AFF3: variants seen among roughly 807,000 people sequenced by gnomAD.
AFF3 encodes AF4/FMR2 family member 3.
A neutral mutation model predicts 129.7 loss-of-function variants in AFF3; 32 were observed. The ratio of observed to expected loss-of-function variants is 0.25; its 90% CI spans 0.19 to 0.33. The LOEUF (loss-of-function observed/expected upper bound fraction) is 0.33. Among genes scored for constraint, AFF3 ranks in the 10% least tolerant of loss-of-function variants. AFF3 has a pLI of 1.00. For synonymous variants in AFF3, 644 were observed against 635.4 expected, an observed-to-expected ratio of 1.01 and a Z score of -0.20; for missense variants, 1,373 against 1,592.0, an observed-to-expected ratio of 0.86 and a Z score of 2.34.
intron 2 of AFF3, among the ~76,000 whole-genome samples, chr2:100,126,852 A>G (rs1692214538): frequency 6.6e-6 from 1 of 152,186 alleles, no homozygotes; most frequent in African/African-American, 2.4e-5. Context: ...TTTTATTTCT[A>G]TATTTATTTA....
At chr2:99,810,457 G>T (rs772095323) in intron 8 of AFF3, among the ~76,000 whole-genome samples, 6 of 152,230 alleles carry the variant, frequency 3.9e-5, no homozygotes, top group African/African-American at 7.2e-5. Flanking sequence ...GCTTACTTAA[G>T]CCAGGAAATC....
At chr2:99,796,287 A>G (rs1685551218) in intron 8 of AFF3, among the ~76,000 whole-genome samples, 1 of 152,238 alleles carries the variant, frequency 6.6e-6, no homozygotes, top group African/African-American at 2.4e-5. Flanking sequence ...ACTGCAACTG[A>G]CATATGAATA....
chr2:100,135,288 G>A (rs924232360), intron 1 of AFF3, among the ~76,000 whole-genome samples: 6 of 152,340 alleles, frequency 3.9e-5, no homozygotes, highest in African/African-American at 1.4e-4. Flanking sequence ...TCCCTCAGGA[G>A]GTGGAACCTA....
chr2:100,138,338 G>A (rs1342589447), intron 1 of AFF3, among the ~76,000 whole-genome samples: 1 of 152,190 alleles, frequency 6.6e-6, no homozygotes, highest in Non-Finnish European at 1.5e-5. Flanking sequence ...GACAATTGAG[G>A]TCATATCTGT....
intron 8 of AFF3, among the ~76,000 whole-genome samples, chr2:99,763,083 ACCAGGCAGTAG>A (rs1220153846): frequency 6.6e-6 from 1 of 152,234 alleles, no homozygotes; most frequent in Non-Finnish European, 1.5e-5. Context: ...TACCTGGGAC[ACCAGGCAGTAG>A]CCCTGGAGTA....
At chr2:100,087,835 ATCAG>A (rs1457825791) in intron 4 of AFF3, among the ~76,000 whole-genome samples, 1 of 151,286 alleles carries the variant, frequency 6.6e-6, no homozygotes, top group Non-Finnish European at 1.5e-5. Context: ...ACATATAAAA[ATCAG>A]TCAATGTATT....
At chr2:99,753,302 G>A (rs957402223) in intron 8 of AFF3, among the ~76,000 whole-genome samples, 16 of 151,824 alleles carry the variant, frequency 1.1e-4, no homozygotes, top group African/African-American at 3.6e-4. Context: ...GTTTCACCAT[G>A]TTGGCCAGGC....
chr2:99,709,801 C>T (rs532035029), intron 11 of AFF3, among the ~76,000 whole-genome samples: 3 of 152,210 alleles, frequency 2.0e-5, no homozygotes, highest in Admixed American at 1.3e-4. Context: ...TTTCTCATCC[C>T]TACCCCCAAA....
At chr2:99,781,497 G>T (rs1684404831) in intron 8 of AFF3, among the ~76,000 whole-genome samples, 1 of 152,168 alleles carries the variant, frequency 6.6e-6, no homozygotes, top group South Asian at 2.1e-4. Context: ...AGGCCAAACT[G>T]GCCTGCCACA....
chr2:100,139,288 A>T (rs1487678705), intron 1 of AFF3, among the ~76,000 whole-genome samples: 1 of 152,168 alleles, frequency 6.6e-6, no homozygotes, highest in Non-Finnish European at 1.5e-5. Flanking sequence ...TTTACTAGTT[A>T]TCTGATTGTC....
chr2:100,049,939 C>A lies in AFF3; in HGVS notation c.54-41007G>T, dbSNP rs12471711. 8.7e-3 allele frequency among the ~76,000 whole-genome samples: 1,321 copies of A among 152,234 alleles called. 33 individuals are homozygous for A. Among genetic ancestry groups the A allele is most frequent in the Admixed American group, 0.06 (918 of 15,284 alleles). ...TTAAAATGGCAGTTACTCGGCCAGGCGTAGTGGCTCACGCCTGTAATCCCA... is the reference window on the plus strand; with the variant it reads ...TTAAAATGGCAGTTACTCGGCCAGGAGTAGTGGCTCACGCCTGTAATCCCA... On this transcript the variant is annotated intron_variant, in intron 4 of 24. Transcript: ENST00000672756.
rs1323910718 is a variant in AFF3, at chr2:99,773,069, T to C, written c.922-20768A>G. On this transcript the variant is annotated intron_variant, in intron 8 of 24. Coordinates refer to ENST00000672756, the MANE Select transcript of AFF3 (RefSeq NM_001386135.1). ...GCAGGCTCTGCTCACCCGTTGTCAC[T>C]TCCCCATCCACATCCTACCCTTCTA... Among the ~76,000 whole-genome samples, 5 of 152,306 alleles carry C rather than the reference T, an allele frequency of 3.3e-5. No homozygotes were observed. The East Asian group carries it at 9.7e-4, about 29-fold the overall frequency.
At chr2:99,955,053 G>A (rs2104239012) in intron 7 of AFF3, among the ~76,000 whole-genome samples, 1 of 152,060 alleles carries the variant, frequency 6.6e-6, no homozygotes. Context: ...ATATATTTTT[G>A]CAATAAATGG....
At chr2:99,731,982 T>G (rs547511007) in intron 10 of AFF3, among the ~76,000 whole-genome samples, 2 of 152,330 alleles carry the variant, frequency 1.3e-5, no homozygotes, top group Admixed American at 1.3e-4. Flanking sequence ...TGAAAACACC[T>G]TCCAGGCCAG....
rs766085693 is a variant in AFF3 at position 99,593,691 on chromosome 2, C to T, written c.1970G>A (p.Arg657Lys). The T allele has an allele frequency of 6.2e-7, 1 of 1,605,810 alleles. No homozygotes were observed. The highest frequency in any genetic ancestry group is 1.1e-5 in the South Asian group (1 of 90,832). ...GAACTCCTTGGATTTGGGGACGATC[C>T]TGCTTAGCCCCCGCGTGCGGCGCTT... ...CEKRRTRGLSRIVPKSKEFIE... is the reference protein window; with the variant it reads ...CEKRRTRGLSKIVPKSKEFIE... The change falls in exon 15 of 25, where the codon AGG (arginine) becomes AAG (lysine). Residue 657 changes from arginine to lysine, a missense_variant. Physicochemically the swap from Arg to Lys is conservative, Grantham distance 26 (BLOSUM62 2). Transcript: ENST00000672756.
intron 12 of AFF3, among the ~76,000 whole-genome samples, chr2:99,658,437 C>T (rs1211019184): frequency 6.6e-6 from 1 of 151,966 alleles, no homozygotes; most frequent in Admixed American, 6.6e-5. Context: ...AGCCCTAAGC[C>T]AGATTCTCGG....
intron 13 of AFF3, among the ~76,000 whole-genome samples, chr2:99,636,050 TG>T (rs1056472895): frequency 2.2e-4 from 33 of 152,216 alleles, no homozygotes; most frequent in African/African-American, 7.7e-4. Context: ...GTTTAGTGGC[TG>T]GGGCCATGAT....
At chr2:99,911,895 T>G (rs1266004501) in intron 7 of AFF3, among the ~76,000 whole-genome samples, 1 of 152,188 alleles carries the variant, frequency 6.6e-6, no homozygotes, top group East Asian at 1.9e-4. Flanking sequence ...GTGGTAAAGG[T>G]TAACCTCCCT....
At chr2:99,831,036 C>T (rs1215754444) in intron 8 of AFF3, among the ~76,000 whole-genome samples, 6 of 152,168 alleles carry the variant, frequency 3.9e-5, no homozygotes, top group African/African-American at 7.2e-5. Flanking sequence ...ACTGTGAAGA[C>T]ATGCCAGTGA....
Sources: allele counts gnomAD v4.1 joint callset (sites outside exome capture counted in the v4.1 genomes callset), GRCh38; gene constraint gnomAD v4.1.1; transcripts MANE v1.5; gene names NCBI Gene and HGNC (gene_info 2026-07-23, HGNC 2026-07-21).